MACROD2: variants seen among roughly 807,000 people sequenced by gnomAD.
MACROD2 encodes ADP-ribose glycohydrolase MACROD2.
In MACROD2, 36 loss-of-function variants were observed where a neutral mutation model predicts 70.4. That is an observed-to-expected ratio of 0.51 (90% CI 0.39 to 0.68). The LOEUF is 0.68. MACROD2 is among the 30% of genes least tolerant of loss of function. The probability of loss-of-function intolerance (pLI) is 0.00; values close to 1 mark genes in which losing one functional copy is unlikely to be tolerated. For synonymous variants in MACROD2, 172 were observed against 178.8 expected, an observed-to-expected ratio of 0.96 and a Z score of 0.30; for missense variants, 496 against 538.4, an observed-to-expected ratio of 0.92 and a Z score of 0.78.
chr20:14,820,344 A>ATAATTTTTC (rs1193274635), intron 5 of MACROD2, among the ~76,000 whole-genome samples: 4 of 144,286 alleles, frequency 2.8e-5, no homozygotes, highest in Non-Finnish European at 6.0e-5. Flanking sequence ...GGGATTAGGA[A>ATAATTTTTC]TAATTTTTCT....
At chr20:14,942,644 C>T (rs573943443) in intron 5 of MACROD2, among the ~76,000 whole-genome samples, 4 of 152,302 alleles carry the variant, frequency 2.6e-5, no homozygotes, top group Admixed American at 1.3e-4. Context: ...TGAATGTTAA[C>T]GTTGAATGTC....
At chr20:15,160,412 C>G (rs937235493) in intron 5 of MACROD2, among the ~76,000 whole-genome samples, 2 of 152,134 alleles carry the variant, frequency 1.3e-5, no homozygotes, top group African/African-American at 4.8e-5. Context: ...ATTTCGGCAA[C>G]TTTTCAAGTT....
intron 3 of MACROD2, among the ~76,000 whole-genome samples, chr20:14,099,722 A>G (rs1188250948): frequency 2.0e-5 from 3 of 152,172 alleles, no homozygotes; most frequent in Non-Finnish European, 4.4e-5. Flanking sequence ...CTGTAAAATC[A>G]TAGGATATAT....
intron 8 of MACROD2, among the ~76,000 whole-genome samples, chr20:15,861,099 AG>A (rs2064418522): frequency 6.6e-6 from 1 of 152,216 alleles, no homozygotes; most frequent in Admixed American, 6.5e-5. Context: ...GTAAGAATCC[AG>A]GATGCTTAAG....
At chr20:14,949,715 G>A (rs539444269) in intron 5 of MACROD2, among the ~76,000 whole-genome samples, 14 of 152,280 alleles carry the variant, frequency 9.2e-5, no homozygotes, top group African/African-American at 3.4e-4. Context: ...TGCCTGCTAT[G>A]TGACAAGCAT....
At chr20:14,883,608 G>T (rs200527686) in intron 5 of MACROD2, among the ~76,000 whole-genome samples, 1 of 139,418 alleles carries the variant, frequency 7.2e-6, no homozygotes, top group Non-Finnish European at 1.6e-5. Flanking sequence ...AAAAAAAAAA[G>T]TAGTTTAAAT....
chr20:14,211,379 G>A (rs1444392923), intron 3 of MACROD2, among the ~76,000 whole-genome samples: 1 of 152,044 alleles, frequency 6.6e-6, no homozygotes, highest in East Asian at 1.9e-4. Flanking sequence ...ACTTGATGTG[G>A]AATAATGACA....
intron 4 of MACROD2, among the ~76,000 whole-genome samples, chr20:14,564,043 T>TAC (rs1256470641): frequency 1.3e-5 from 2 of 151,878 alleles, no homozygotes; most frequent in East Asian, 3.9e-4. Context: ...TAAGGCTACA[T>TAC]ACCTACAAGT....
At chr20:15,684,645 G>C (rs1013691908) in intron 8 of MACROD2, among the ~76,000 whole-genome samples, 6 of 152,188 alleles carry the variant, frequency 3.9e-5, no homozygotes, top group Admixed American at 1.3e-4. Flanking sequence ...AAGGATTATA[G>C]ATAGGAAATT....
intron 2 of MACROD2, among the ~76,000 whole-genome samples, chr20:14,026,432 T>C (rs1282472233): frequency 6.6e-6 from 1 of 152,242 alleles, no homozygotes; most frequent in East Asian, 1.9e-4. Flanking sequence ...AGTTGCTTCA[T>C]AGTGTTGATG....
chr20:15,534,526 T>G (rs918408920), intron 8 of MACROD2, among the ~76,000 whole-genome samples: 5 of 152,236 alleles, frequency 3.3e-5, no homozygotes, highest in African/African-American at 4.8e-5. Context: ...CTTTCTTGAC[T>G]GAACAAAAGT....
At chr20:14,215,936 T>G (rs1332547929) in intron 3 of MACROD2, among the ~76,000 whole-genome samples, 1 of 152,172 alleles carries the variant, frequency 6.6e-6, no homozygotes, top group Non-Finnish European at 1.5e-5. Flanking sequence ...GTATAGACTG[T>G]AAAGATTTTC....
intron 10 of MACROD2, among the ~76,000 whole-genome samples, chr20:15,924,966 A>G (rs2065467379): frequency 6.6e-6 from 1 of 152,238 alleles, no homozygotes; most frequent in South Asian, 2.1e-4. Flanking sequence ...TTAGGGCTTA[A>G]TGAAAAAAAT....
intron 3 of MACROD2, among the ~76,000 whole-genome samples, chr20:14,309,191 A>G (rs1474416500): frequency 6.6e-6 from 1 of 152,200 alleles, no homozygotes; most frequent in African/African-American, 2.4e-5. Context: ...GAATAAAATG[A>G]GGATTACCCA....
chr20:15,356,759 G>A (rs1234105090), intron 6 of MACROD2, among the ~76,000 whole-genome samples: 1 of 151,968 alleles, frequency 6.6e-6, no homozygotes, highest in Admixed American at 6.6e-5. Context: ...ACTCCAACCT[G>A]GGCCAAAAAG....
At chr20:14,840,790 T>C (rs2073078640) in intron 5 of MACROD2, among the ~76,000 whole-genome samples, 1 of 152,100 alleles carries the variant, frequency 6.6e-6, no homozygotes, top group Non-Finnish European at 1.5e-5. Context: ...TGCTCTTATC[T>C]GAAAGCTCAT....
At chr20:14,851,998 G>A (rs1160797113) in intron 5 of MACROD2, among the ~76,000 whole-genome samples, 1 of 152,108 alleles carries the variant, frequency 6.6e-6, no homozygotes, top group Non-Finnish European at 1.5e-5. Context: ...GTGGCCAGAG[G>A]GGACATGTCA....
chr20:14,670,077 A>G (rs1427787907), intron 4 of MACROD2, among the ~76,000 whole-genome samples: 4 of 152,188 alleles, frequency 2.6e-5, no homozygotes, highest in Non-Finnish European at 5.9e-5. Context: ...TGTTTTAAAA[A>G]AAGGTATGTT....
At chr20:14,051,489 C>T (rs1191560043) in intron 2 of MACROD2, among the ~76,000 whole-genome samples, 1 of 152,102 alleles carries the variant, frequency 6.6e-6, no homozygotes, top group African/African-American at 2.4e-5. Flanking sequence ...TTCCCTTTTA[C>T]CCAAAGTATG....
Sources: gnomAD v4.1 joint callset for allele counts (sites outside exome capture counted in the v4.1 genomes callset) on GRCh38, gnomAD v4.1.1 for gene constraint, MANE v1.5 for transcripts, NCBI Gene and HGNC (gene_info 2026-07-23, HGNC 2026-07-21) for gene names.